COL19A1: variants seen among roughly 807,000 people sequenced by gnomAD.
COL19A1 encodes the protein collagen type XIX alpha 1 chain.
COL19A1 carries 159 observed loss-of-function variants against 190.2 expected under a neutral mutation model. That is an observed-to-expected ratio of 0.84 (90% CI 0.73 to 0.95). COL19A1 has a LOEUF of 0.95. COL19A1 is among the 40% of genes least tolerant of loss of function. COL19A1 has a pLI of 0.00. For missense variants in COL19A1, 1,418 were observed against 1,431.9 expected, an observed-to-expected ratio of 0.99 and a Z score of 0.16; for synonymous variants, 509 against 458.9, an observed-to-expected ratio of 1.11 and a Z score of -1.39.
intron 42 of COL19A1, among the ~76,000 whole-genome samples, chr6:70,179,594 A>C (rs1405289269): frequency 6.6e-5 from 10 of 152,218 alleles, no homozygotes. Flanking sequence ...CTATGAACTT[A>C]AAAGCCCTCT....
At chr6:70,086,381 A>T (rs1459227668) in intron 15 of COL19A1, among the ~76,000 whole-genome samples, 1 of 152,214 alleles carries the variant, frequency 6.6e-6, no homozygotes, top group East Asian at 1.9e-4. Context: ...CATGAAACAG[A>T]AAGATAATGT....
At chr6:70,061,566 A>G (rs755972979) in intron 14 of COL19A1, among the ~76,000 whole-genome samples, 7 of 152,106 alleles carry the variant, frequency 4.6e-5, no homozygotes, top group Non-Finnish European at 1.0e-4. Context: ...ATACATTCCA[A>G]ATCAAATATT....
chr6:70,177,332 T>C (rs548821417), intron 42 of COL19A1, among the ~76,000 whole-genome samples: 5 of 151,896 alleles, frequency 3.3e-5, no homozygotes, highest in African/African-American at 4.8e-5. Context: ...ATAAGAAAGA[T>C]AAGATAAGAT....
intron 16 of COL19A1, among the ~76,000 whole-genome samples, chr6:70,109,760 A>G (rs1322758763): frequency 6.6e-6 from 1 of 152,144 alleles, no homozygotes; most frequent in East Asian, 1.9e-4. Flanking sequence ...TAGCCCATTT[A>G]ATTTCAGTCT....
intron 34 of COL19A1, among the ~76,000 whole-genome samples, chr6:70,159,912 A>G (rs970130033): frequency 5.9e-5 from 9 of 152,186 alleles, no homozygotes; most frequent in Non-Finnish European, 1.2e-4. Flanking sequence ...AACTTGATGT[A>G]TCACATGGTT....
intron 49 of COL19A1, among the ~76,000 whole-genome samples, chr6:70,205,915 T>C (rs1460788785): frequency 6.6e-6 from 1 of 152,218 alleles, no homozygotes; most frequent in African/African-American, 2.4e-5. Flanking sequence ...GTCTCCTCTC[T>C]TGTTTCCTAG....
intron 19 of COL19A1, 84 bp downstream of exon 19, chr6:70,137,831 C>A: frequency 7.5e-7 from 1 of 1,336,832 alleles, no homozygotes; most frequent in Non-Finnish European, 1.1e-6. Flanking sequence ...CCCAATTCCA[C>A]GTGCCTTGGT....
At chr6:70,196,815 G>A (rs556726877) in intron 48 of COL19A1, among the ~76,000 whole-genome samples, 5 of 152,182 alleles carry the variant, frequency 3.3e-5, no homozygotes, top group African/African-American at 7.2e-5. Context: ...TGAAAACAGA[G>A]GAAAAGCAAT....
intron 12 of COL19A1, among the ~76,000 whole-genome samples, chr6:70,030,587 G>A (rs924009761): frequency 6.6e-5 from 10 of 152,128 alleles, no homozygotes; most frequent in Admixed American, 3.9e-4. Flanking sequence ...GTTTGCAGAC[G>A]TTCAATAATA....
intron 46 of COL19A1, among the ~76,000 whole-genome samples, chr6:70,186,754 A>C (rs531309684): frequency 1.3e-5 from 2 of 152,308 alleles, no homozygotes; most frequent in Admixed American, 1.3e-4. Flanking sequence ...ACAAACACAT[A>C]CAGTAGTAGA....
At chr6:69,960,271 T>C (rs985971410) in intron 10 of COL19A1, among the ~76,000 whole-genome samples, 1 of 152,160 alleles carries the variant, frequency 6.6e-6, no homozygotes, top group African/African-American at 2.4e-5. Context: ...TCCAAAGAAC[T>C]AAATGGTAGT....
intron 16 of COL19A1, among the ~76,000 whole-genome samples, chr6:70,118,023 A>G (rs1001962259): frequency 4.6e-5 from 7 of 152,172 alleles, no homozygotes; most frequent in Non-Finnish European, 7.3e-5. Flanking sequence ...TGCAAACCTC[A>G]GAGAAAGGGT....
chr6:70,148,176 G>A (rs901387745), intron 27 of COL19A1, among the ~76,000 whole-genome samples: 1 of 151,840 alleles, frequency 6.6e-6, no homozygotes, highest in Non-Finnish European at 1.5e-5. Flanking sequence ...TATATTTCCA[G>A]CCCCTCTCCC....
intron 4 of COL19A1, among the ~76,000 whole-genome samples, chr6:69,918,626 A>C (rs890912188): frequency 1.2e-4 from 18 of 152,262 alleles, no homozygotes; most frequent in African/African-American, 4.3e-4. Context: ...GGATCACTTG[A>C]GCCTGGGAGG....
intron 11 of COL19A1, among the ~76,000 whole-genome samples, chr6:70,000,687 TATCCTTTGCCCACTTTTTG>T: frequency 6.6e-6 from 1 of 152,354 alleles, no homozygotes; most frequent in East Asian, 1.9e-4. Context: ...TGTCTGTTCA[TATCCTTTGCCCACTTTTTG>T]ATGGGGTTGT....
At chr6:69,904,639 G>C (rs1434739325) in intron 4 of COL19A1, among the ~76,000 whole-genome samples, 1 of 152,200 alleles carries the variant, frequency 6.6e-6, no homozygotes, top group Admixed American at 6.5e-5. Flanking sequence ...CCTTTTGACA[G>C]ATCATAGGGT....
At chr6:70,096,454 A>T (rs1423439275) in intron 15 of COL19A1, among the ~76,000 whole-genome samples, 1 of 152,106 alleles carries the variant, frequency 6.6e-6, no homozygotes, top group South Asian at 2.1e-4. Context: ...TGTTGATAGT[A>T]GCCATCCTAC....
At chr6:70,064,305 A>C (rs888576923) in intron 14 of COL19A1, among the ~76,000 whole-genome samples, 4 of 152,214 alleles carry the variant, frequency 2.6e-5, no homozygotes, top group Non-Finnish European at 5.9e-5. Flanking sequence ...CATCCCTGGG[A>C]TGCAAGGCTG....
chr6:70,095,912 A>G (rs1430400933), intron 15 of COL19A1, among the ~76,000 whole-genome samples: 1 of 152,150 alleles, frequency 6.6e-6, no homozygotes, highest in Non-Finnish European at 1.5e-5. Flanking sequence ...TGTTTGTACA[A>G]CATTTTATTT....
Sources: allele counts gnomAD v4.1 joint callset (sites outside exome capture counted in the v4.1 genomes callset), GRCh38; gene constraint gnomAD v4.1.1; transcripts MANE v1.5; gene names NCBI Gene and HGNC (gene_info 2026-07-23, HGNC 2026-07-21).